Variants in SPAG16 observed in about 807,000 individuals in gnomAD.
SPAG16 encodes the protein sperm-associated antigen 16 protein.
Under a neutral mutation model 80.4 loss-of-function variants are expected in SPAG16, and 86 were observed. The observed-to-expected ratio is 1.07, with a 90% CI of 0.90 to 1.28. The LOEUF is 1.28. Among genes scored for constraint, SPAG16 ranks in the 50% most tolerant of loss-of-function variants. The pLI, the probability that SPAG16 is intolerant of heterozygous loss-of-function variation, is 0.00. For missense variants in SPAG16, 870 were observed against 765.3 expected, an observed-to-expected ratio of 1.14 and a Z score of -1.61; for synonymous variants, 294 against 265.9, an observed-to-expected ratio of 1.11 and a Z score of -1.03.
At chr2:213,932,432 T>C (rs1559603090) in intron 12 of SPAG16, among the ~76,000 whole-genome samples, 1 of 151,860 alleles carries the variant, frequency 6.6e-6, no homozygotes, top group African/African-American at 2.4e-5. Context: ...GCCAGGCTGG[T>C]CTCAAGCTTC....
chr2:213,443,896 C>A (rs931129822), intron 9 of SPAG16, among the ~76,000 whole-genome samples: 5 of 152,080 alleles, frequency 3.3e-5, no homozygotes, highest in Non-Finnish European at 7.4e-5. Flanking sequence ...TACTCTCACT[C>A]CAATTCAGGC....
At chr2:214,131,905 C>T (rs961310400) in intron 14 of SPAG16, among the ~76,000 whole-genome samples, 1 of 152,020 alleles carries the variant, frequency 6.6e-6, no homozygotes, top group Non-Finnish European at 1.5e-5. Context: ...ACGTACACCA[C>T]CAAGAGTGAA....
intron 12 of SPAG16, among the ~76,000 whole-genome samples, chr2:213,991,890 T>TATTTATTTATTTATTC (rs1048402996): frequency 2.0e-4 from 30 of 151,548 alleles, no homozygotes; most frequent in African/African-American, 6.8e-4. Context: ...TTTATTTATT[T>TATTTATTTATTTATTC]ATTCTTGTTT....
chr2:213,555,730 A>G (rs1477492953), intron 10 of SPAG16, among the ~76,000 whole-genome samples: 1 of 152,196 alleles, frequency 6.6e-6, no homozygotes, highest in East Asian at 1.9e-4. Flanking sequence ...CTGAAAGGAT[A>G]CTAATGAGTC....
chr2:214,184,436 C>A (rs2057406082), intron 15 of SPAG16, among the ~76,000 whole-genome samples: 2 of 152,012 alleles, frequency 1.3e-5, no homozygotes, highest in South Asian at 4.1e-4. Flanking sequence ...GTTAGCTAGG[C>A]TCACTCATAA....
chr2:213,407,792 GAGAC>G (rs1310837182), intron 9 of SPAG16, among the ~76,000 whole-genome samples: 4 of 127,776 alleles, frequency 3.1e-5, no homozygotes, highest in Non-Finnish European at 5.1e-5. Context: ...GAGAGGAAGA[GAGAC>G]AGGAGAGGCA....
chr2:213,726,193 C>G (rs185518575), intron 10 of SPAG16, among the ~76,000 whole-genome samples: 1 of 152,306 alleles, frequency 6.6e-6, no homozygotes, highest in Non-Finnish European at 1.5e-5. Flanking sequence ...CAGGAGCAAC[C>G]CTCAGTCGGT....
chr2:213,461,525 A>G (rs1397320476), intron 9 of SPAG16, among the ~76,000 whole-genome samples: 3 of 152,212 alleles, frequency 2.0e-5, no homozygotes, highest in Non-Finnish European at 4.4e-5. Flanking sequence ...GGCTGCAGCA[A>G]CATCTTGTGA....
At chr2:214,037,741 A>T (rs1018179258) in intron 13 of SPAG16, among the ~76,000 whole-genome samples, 10 of 152,116 alleles carry the variant, frequency 6.6e-5, no homozygotes, top group Non-Finnish European at 1.5e-4. Context: ...CTATTTTGTG[A>T]ATTCAGGCTT....
chr2:213,598,417 G>T (rs1235756234), intron 10 of SPAG16, among the ~76,000 whole-genome samples: 11 of 152,142 alleles, frequency 7.2e-5, no homozygotes, highest in Admixed American at 7.2e-4. Flanking sequence ...TTATTAATGT[G>T]TCAAGCAATG....
intron 11 of SPAG16, among the ~76,000 whole-genome samples, chr2:213,916,118 T>C (rs2077953447): frequency 6.6e-6 from 1 of 152,238 alleles, no homozygotes; most frequent in African/African-American, 2.4e-5. Context: ...TTTAGTTTAA[T>C]TAGATCCTAT....
At chr2:214,321,935 T>G (rs928400923) in intron 15 of SPAG16, among the ~76,000 whole-genome samples, 1 of 152,240 alleles carries the variant, frequency 6.6e-6, no homozygotes, top group Non-Finnish European at 1.5e-5. Flanking sequence ...CTGCTTTGTT[T>G]TGTGCTTCTA....
At chr2:213,403,228 T>C (rs2068422871) in intron 9 of SPAG16, among the ~76,000 whole-genome samples, 1 of 152,230 alleles carries the variant, frequency 6.6e-6, no homozygotes, top group Non-Finnish European at 1.5e-5. Context: ...ATGTCTTCTT[T>C]TGAGAAGTGT....
chr2:213,523,398 T>C (rs1232747135), intron 10 of SPAG16, among the ~76,000 whole-genome samples: 1 of 152,136 alleles, frequency 6.6e-6, no homozygotes, highest in Non-Finnish European at 1.5e-5. Context: ...TATGTCTTCA[T>C]TAGAAGCATG....
intron 10 of SPAG16, among the ~76,000 whole-genome samples, chr2:213,534,861 C>A (rs2076189384): frequency 6.6e-6 from 1 of 151,954 alleles, no homozygotes; most frequent in Non-Finnish European, 1.5e-5. Context: ...AGAATGTGAC[C>A]GAATTTGGAG....
At chr2:213,354,406 A>G (rs1379943684) in intron 7 of SPAG16, among the ~76,000 whole-genome samples, 3 of 152,172 alleles carry the variant, frequency 2.0e-5, no homozygotes, top group African/African-American at 7.2e-5. Flanking sequence ...ATACCCCGTA[A>G]TGGGATTGCT....
intron 12 of SPAG16, among the ~76,000 whole-genome samples, chr2:213,975,583 GAAAT>G (rs930843619): frequency 1.3e-5 from 2 of 151,526 alleles, no homozygotes; most frequent in Non-Finnish European, 2.9e-5. Context: ...AAATAGAAAA[GAAAT>G]AAATAGAGTC....
At chr2:214,269,348 A>G (rs1486947356) in intron 15 of SPAG16, among the ~76,000 whole-genome samples, 2 of 152,018 alleles carry the variant, frequency 1.3e-5, no homozygotes, top group African/African-American at 4.8e-5. Flanking sequence ...TAGAAATTGA[A>G]TTCCATTTTA....
intron 15 of SPAG16, among the ~76,000 whole-genome samples, chr2:214,284,831 G>A (rs1374400401): frequency 7.5e-6 from 1 of 134,148 alleles, no homozygotes; most frequent in African/African-American, 2.8e-5. Flanking sequence ...GTGTGTGTGT[G>A]TGCATATGTA....
Sources: gnomAD v4.1 joint callset for allele counts (sites outside exome capture counted in the v4.1 genomes callset) on GRCh38, gnomAD v4.1.1 for gene constraint, MANE v1.5 for transcripts, NCBI Gene and HGNC (gene_info 2026-07-23, HGNC 2026-07-21) for gene names.